ASTN2: variants seen among roughly 807,000 people sequenced by gnomAD.
ASTN2 encodes the protein astrotactin-2.
Under a neutral mutation model 139.8 loss-of-function variants are expected in ASTN2, and 54 were observed. The observed-to-expected ratio is 0.39, with a 90% confidence interval of 0.31 to 0.48. The LOEUF is 0.48. Ranked by LOEUF, ASTN2 falls within the 20% of genes least tolerant of loss-of-function variation. The pLI is 0.95. For missense variants in ASTN2, 1,565 were observed against 1,725.1 expected (o/e 0.91, Z 1.64); for synonymous variants, 756 against 719.5 (o/e 1.05, Z -0.81).
intron 22 of ASTN2, among the ~76,000 whole-genome samples, chr9:116,428,193 T>A (rs1847369341): frequency 1.4e-5 from 2 of 144,126 alleles, no homozygotes; most frequent in Non-Finnish European, 1.6e-5. Context: ...TAGGGAAACA[T>A]GTGTTGAGCC....
chr9:117,265,495 C>A (rs991103748), intron 2 of ASTN2, among the ~76,000 whole-genome samples: 1 of 152,192 alleles, frequency 6.6e-6, no homozygotes, highest in African/African-American at 2.4e-5. Context: ...GTCACATGTG[C>A]TGGCAACTGA....
rs553989704 is a variant in ASTN2, at chr9:116,620,244, T to C, written c.3206+66A>G. 13 of 1,608,226 alleles carry C rather than the reference T, an allele frequency of 8.1e-6. No homozygotes were observed. In the African/African-American group the frequency reaches 1.3e-4, roughly 17 times the overall value. On this transcript the variant is annotated intron_variant, in intron 18 of 22. Transcript: ENST00000313400. ...AGCAGAAGCAAGTCATGGCATGGGCTGGCAGGACAGGAGTGTGAGTCCACG... is the reference window on the plus strand; with the variant it reads ...AGCAGAAGCAAGTCATGGCATGGGCCGGCAGGACAGGAGTGTGAGTCCACG...
intron 16 of ASTN2, among the ~76,000 whole-genome samples, chr9:116,708,592 A>C (rs1419546746): frequency 2.0e-5 from 3 of 152,296 alleles, no homozygotes; most frequent in Non-Finnish European, 4.4e-5. Context: ...CTCACTGAGG[A>C]CACATATAGT....
chr9:117,075,256 T>C (rs893544271), intron 5 of ASTN2, among the ~76,000 whole-genome samples: 5 of 152,146 alleles, frequency 3.3e-5, no homozygotes, highest in Admixed American at 3.3e-4. Flanking sequence ...CCAGCCCCTC[T>C]GACAAATGCT....
chr9:116,587,565 T>G (rs913755842), intron 19 of ASTN2, among the ~76,000 whole-genome samples: 4 of 152,034 alleles, frequency 2.6e-5, no homozygotes, highest in Non-Finnish European at 4.4e-5. Context: ...ATTTATATAG[T>G]AGGGATAATG....
chr9:116,650,646 T>C (rs1303390148), intron 17 of ASTN2, among the ~76,000 whole-genome samples: 1 of 152,206 alleles, frequency 6.6e-6, no homozygotes, highest in African/African-American at 2.4e-5. Context: ...AGTATTGTAC[T>C]GAGGTAGATA....
chr9:116,666,007 G>T (rs1858841180), intron 16 of ASTN2, among the ~76,000 whole-genome samples: 1 of 152,052 alleles, frequency 6.6e-6, no homozygotes, highest in Non-Finnish European at 1.5e-5. Flanking sequence ...TATTTTTTAT[G>T]GAAATACTGC....
chr9:116,521,885 T>C (rs1850891600), intron 19 of ASTN2, among the ~76,000 whole-genome samples: 1 of 152,020 alleles, frequency 6.6e-6, no homozygotes, highest in Non-Finnish European at 1.5e-5. Context: ...AAAGAAGATA[T>C]ACAAATGGCC....
intron 4 of ASTN2, among the ~76,000 whole-genome samples, chr9:117,106,670 T>C (rs934142191): frequency 6.6e-6 from 1 of 152,228 alleles, no homozygotes; most frequent in Non-Finnish European, 1.5e-5. Flanking sequence ...AACTGACTTC[T>C]CTTACTTTGA....
chr9:116,516,900 T>C (rs1850675067), intron 19 of ASTN2, among the ~76,000 whole-genome samples: 1 of 152,170 alleles, frequency 6.6e-6, no homozygotes, highest in African/African-American at 2.4e-5. Flanking sequence ...GCCATAATCC[T>C]TCTGGGAACA....
intron 11 of ASTN2, among the ~76,000 whole-genome samples, chr9:116,823,183 T>A (rs1220590310): frequency 6.6e-6 from 1 of 152,162 alleles, no homozygotes; most frequent in Non-Finnish European, 1.5e-5. Flanking sequence ...AGCCACTGAG[T>A]GTGCAGCAAT....
Position 116,618,489 on chromosome 9 carries a change from G to A in ASTN2, c.3207-17C>T. On this transcript the variant is annotated splice_polypyrimidine_tract_variant and intron_variant, in intron 18 of 22. Coordinates refer to ENST00000313400, the MANE Select transcript of ASTN2 (RefSeq NM_001365068.1). Reference sequence around the variant, plus strand: ...AGCCGCAGCCTACAGGGAATAAAAAGGAAGATTCGTGTTTGGCAGCCAGCA... The same window carrying A: ...AGCCGCAGCCTACAGGGAATAAAAAAGAAGATTCGTGTTTGGCAGCCAGCA... 2 of 1,591,230 alleles carry A rather than the reference G, an allele frequency of 1.3e-6. No homozygotes were observed. Among genetic ancestry groups the A allele is most frequent in the Non-Finnish European group, 1.7e-6 (2 of 1,171,114 alleles).
intron 7 of ASTN2, among the ~76,000 whole-genome samples, chr9:116,985,311 A>G (rs920239213): frequency 1.3e-5 from 2 of 152,240 alleles, no homozygotes; most frequent in African/African-American, 2.4e-5. Flanking sequence ...TGAGAGCACA[A>G]AGTAAAAATA....
intron 3 of ASTN2, among the ~76,000 whole-genome samples, chr9:117,153,826 T>C (rs1830376169): frequency 6.6e-6 from 1 of 152,072 alleles, no homozygotes; most frequent in African/African-American, 2.4e-5. Flanking sequence ...AACACATCCA[T>C]TCACAGTTTT....
In ASTN2 at chr9:116,731,086, G is replaced by A. The variant is rs137906588; in HGVS notation, c.2522-1990C>T. 1.1e-4 allele frequency among the ~76,000 whole-genome samples: 17 copies of A among 151,758 alleles called. No individual in the cohort carries two copies. The East Asian group carries it at 2.9e-3, about 26-fold the overall frequency. ...AAACTCATCCCTGGGTTACTCTATC[G>A]CTGACTCTCATCTTGCCCTCCCCAT... On this transcript the variant is annotated intron_variant, in intron 14 of 22. Coordinates refer to ENST00000313400, the MANE Select transcript of ASTN2 (RefSeq NM_001365068.1).
chr9:117,063,619 G>A (rs570143906), intron 5 of ASTN2, among the ~76,000 whole-genome samples: 1 of 152,262 alleles, frequency 6.6e-6, no homozygotes, highest in South Asian at 2.1e-4. Context: ...TTTATCAGCA[G>A]TGTGAAAACA....
intron 10 of ASTN2, among the ~76,000 whole-genome samples, chr9:116,864,796 C>T (rs13287661): frequency 0.37 from 56,930 of 151,916 alleles, 11,740 homozygotes; most frequent in Non-Finnish European, 0.47. Flanking sequence ...CATACCTTCT[C>T]CCATTCTTCT....
intron 13 of ASTN2, among the ~76,000 whole-genome samples, chr9:116,755,941 C>T (rs2132160858): frequency 6.6e-6 from 1 of 152,336 alleles, no homozygotes; most frequent in Non-Finnish European, 1.5e-5. Context: ...CTCTGGGAGC[C>T]TCCAGAAGAA....
At chr9:116,829,522 G>T (rs1242015191) in intron 11 of ASTN2, among the ~76,000 whole-genome samples, 1 of 152,104 alleles carries the variant, frequency 6.6e-6, no homozygotes. Context: ...GGCTGTACAG[G>T]AGGCATGGCT....
Sources: allele counts gnomAD v4.1 joint callset (sites outside exome capture counted in the v4.1 genomes callset), GRCh38; gene constraint gnomAD v4.1.1; transcripts MANE v1.5; gene names NCBI Gene and HGNC (gene_info 2026-07-23, HGNC 2026-07-21).